Variants in IRAK3 observed in about 807,000 individuals in gnomAD.
IRAK3 encodes the protein interleukin-1 receptor-associated kinase 3.
IRAK3 carries 57 observed loss-of-function variants against 56.6 expected under a neutral mutation model. The observed-to-expected ratio is 1.01, with a 90% CI of 0.81 to 1.26. The LOEUF is 1.26. Ranked by LOEUF, IRAK3 falls within the 50% of genes most tolerant of loss-of-function variation. The probability of loss-of-function intolerance (pLI) is 0.00; values close to 1 mark genes in which losing one functional copy is unlikely to be tolerated. For synonymous variants in IRAK3, 258 were observed against 255.7 expected, an observed-to-expected ratio of 1.01 and a Z score of -0.09; for missense variants, 703 against 719.0, an observed-to-expected ratio of 0.98 and a Z score of 0.25.
At position 66,248,516 on chromosome 12, in the gene IRAK3, A is replaced by C. The variant is rs2053060708; in HGVS notation, c.*345A>C. ...TTGTAATGTCCTCTCCATCATCCTCAGTGTGAGTCCTCAGAGCCTCCATCT... is the reference window on the plus strand; with the variant it reads ...TTGTAATGTCCTCTCCATCATCCTCCGTGTGAGTCCTCAGAGCCTCCATCT... On this transcript the variant is annotated 3_prime_UTR_variant, in exon 12 of 12. Transcript: ENST00000261233. 1 of 187,146 alleles carries C rather than the reference A, an allele frequency of 5.3e-6. No individual in the cohort carries two copies. The highest frequency in any genetic ancestry group is 1.1e-5 in the Non-Finnish European group (1 of 89,688). The allele number at this position is 187,146 out of a possible 1,614,324, so 11.6% of individuals were successfully genotyped here.
chr12:66,223,725 T>C, intron 6 of IRAK3, among the ~76,000 whole-genome samples: 1 of 151,630 alleles, frequency 6.6e-6, no homozygotes. Flanking sequence ...TATTTTTATT[T>C]TTTTTTGAGA....
chr12:66,223,984 A>G lies in IRAK3; in HGVS notation c.654-2739A>G, dbSNP rs184114110. Among the ~76,000 whole-genome samples, 335 of 152,230 alleles carry G rather than the reference A, an allele frequency of 2.2e-3. 2 individuals carry two copies. The highest frequency in any genetic ancestry group is 7.8e-3 in the African/African-American group (326 of 41,550). ...TCTGGTGAGGTGTTTTCTGTGAACT[A>G]CAACAACAGCTTGTCTAGGTTTCAA... On this transcript the variant is annotated intron_variant, in intron 6 of 11. Coordinates refer to ENST00000261233, the MANE Select transcript of IRAK3 (RefSeq NM_007199.3).
At chr12:66,193,307 C>T (rs1171412324) in intron 1 of IRAK3, among the ~76,000 whole-genome samples, 2 of 152,158 alleles carry the variant, frequency 1.3e-5, no homozygotes, top group African/African-American at 2.4e-5. Flanking sequence ...GCCACCGCGC[C>T]TGGCCTAGAT....
At chr12:66,244,179 T>C (rs569276810) in intron 8 of IRAK3, among the ~76,000 whole-genome samples, 1 of 152,360 alleles carries the variant, frequency 6.6e-6, no homozygotes, top group East Asian at 1.9e-4. Context: ...GAAAGCTGTT[T>C]TGGTTAACTT....
chr12:66,189,238 C>T lies in IRAK3; in HGVS notation c.-62C>T. 3 of 1,526,500 alleles carry T rather than the reference C, an allele frequency of 2.0e-6. No individual in the cohort carries two copies. The highest frequency in any genetic ancestry group is 2.6e-6 in the Non-Finnish European group (3 of 1,140,640). 94.6% of individuals were successfully genotyped at this position (1,526,500 alleles called of 1,614,324 possible). On this transcript the variant is annotated 5_prime_UTR_variant, in exon 1 of 12. Transcript: ENST00000261233. Reference sequence around the variant, plus strand: ...CAGGATTTCCGCGGTTGTGTAACGGCCTGTCGCAGGCGTGCAGGGACCTGG... The same window carrying T: ...CAGGATTTCCGCGGTTGTGTAACGGTCTGTCGCAGGCGTGCAGGGACCTGG...
At chr12:66,194,524 G>A (rs981892181) in intron 1 of IRAK3, among the ~76,000 whole-genome samples, 11 of 151,932 alleles carry the variant, frequency 7.2e-5, no homozygotes, top group South Asian at 2.1e-4. Context: ...TGCTTTCTCC[G>A]CTCTAGAACG....
At chr12:66,194,878 A>T (rs1307376112) in intron 1 of IRAK3, among the ~76,000 whole-genome samples, 1 of 151,608 alleles carries the variant, frequency 6.6e-6, no homozygotes, top group African/African-American at 2.4e-5. Context: ...CTCTTCTTAT[A>T]GATTTATCTC....
intron 6 of IRAK3, among the ~76,000 whole-genome samples, chr12:66,221,267 G>T (rs1167163493): frequency 6.6e-6 from 1 of 152,018 alleles, no homozygotes; most frequent in Non-Finnish European, 1.5e-5. Context: ...CAGTTTTTTT[G>T]GTGGAGTCTT....
chr12:66,234,796 T>C lies in IRAK3; in HGVS notation c.887+6426T>C, dbSNP rs546603182. The C allele has an allele frequency of 1.3e-5, 21 of 1,599,662 alleles. No individual in the cohort carries two copies. In the East Asian group the frequency reaches 1.3e-4, roughly 10 times the overall value. On this transcript the variant is annotated intron_variant, in intron 8 of 11. Coordinates refer to ENST00000261233, the MANE Select transcript of IRAK3 (RefSeq NM_007199.3). ...CACGTAGTATCCTTGTAGAAATAAC[T>C]TGTCCAAATGGTTTGAGCATATTTT...
chr12:66,198,241 C>A, intron 1 of IRAK3: 1 of 288,938 alleles, frequency 3.5e-6, no homozygotes. Flanking sequence ...CTCTGTCTGT[C>A]AATCAGCAAA....
At chr12:66,209,274 CT>C (rs898302712) in intron 2 of IRAK3, among the ~76,000 whole-genome samples, 181 bp from the exon 3 acceptor site, 24 of 152,048 alleles carry the variant, frequency 1.6e-4, no homozygotes, top group Non-Finnish European at 2.8e-4. Flanking sequence ...AATTAGAAAG[CT>C]ATTTCACAAA....
intron 1 of IRAK3, among the ~76,000 whole-genome samples, chr12:66,195,704 G>T (rs182561681): frequency 6.6e-6 from 1 of 152,086 alleles, no homozygotes; most frequent in Non-Finnish European, 1.5e-5. Flanking sequence ...TTGTTGCACA[G>T]CCTGGAGTGC....
chr12:66,225,422 G>A (rs1034470801), intron 6 of IRAK3, among the ~76,000 whole-genome samples: 1 of 151,794 alleles, frequency 6.6e-6, no homozygotes, highest in Non-Finnish European at 1.5e-5. Flanking sequence ...TCCTTGAAGA[G>A]GAAGAAAAGG....
rs1016989451 is a variant in IRAK3 at position 66,212,235 on chromosome 12, A to G, written c.588+638A>G. Among the ~76,000 whole-genome samples, 13 of 152,142 alleles carry G rather than the reference A, an allele frequency of 8.5e-5. No homozygotes were observed. The South Asian group carries it at 2.5e-3, about 29-fold the overall frequency. On this transcript the variant is annotated intron_variant, in intron 5 of 11. Transcript: ENST00000261233. Reference sequence around the variant, plus strand: ...CCGGGTCCTCTCCAGGCAGCCTCACAGGCTAAGCCACAGTTTGGCATTTGG... The same window carrying G: ...CCGGGTCCTCTCCAGGCAGCCTCACGGGCTAAGCCACAGTTTGGCATTTGG...
intron 8 of IRAK3, chr12:66,234,872 G>A: frequency 1.2e-6 from 2 of 1,612,968 alleles, no homozygotes; most frequent in African/African-American, 1.3e-5. Flanking sequence ...GTAGAGGTTG[G>A]TAGGATCTTG....
chr12:66,235,121 T>C (rs2052890309), intron 8 of IRAK3: 6 of 1,613,870 alleles, frequency 3.7e-6, no homozygotes, highest in Non-Finnish European at 5.1e-6. Context: ...TTTGCTGAGC[T>C]GATCCCATCC....
intron 8 of IRAK3, among the ~76,000 whole-genome samples, chr12:66,242,810 A>G (rs2052984658): frequency 6.6e-6 from 1 of 152,248 alleles, no homozygotes; most frequent in Admixed American, 6.5e-5. Context: ...GCAGTAGCTC[A>G]TGCCTGTAAT....
chr12:66,219,163 G>C (rs1017758769), intron 6 of IRAK3, among the ~76,000 whole-genome samples: 35 of 152,150 alleles, frequency 2.3e-4, no homozygotes, highest in African/African-American at 8.2e-4. Flanking sequence ...TTAAACATGA[G>C]AGTGCAGATA....
Position 66,248,404 on chromosome 12 carries a change from C to A in IRAK3, c.*233C>A. The A allele has an allele frequency of 2.4e-6, 1 of 423,480 alleles. No individual in the cohort carries two copies. Among genetic ancestry groups the A allele is most frequent in the South Asian group, 3.7e-5 (1 of 27,166 alleles). 26.2% of individuals were successfully genotyped at this position (423,480 alleles called of 1,614,324 possible). ...ATTGTCTCATGACCAAATCCACGCT[C>A]AATTAGAGCCATTCAAAATTCCTTA... On this transcript the variant is annotated 3_prime_UTR_variant, in exon 12 of 12. Coordinates refer to ENST00000261233, the MANE Select transcript of IRAK3 (RefSeq NM_007199.3).
Sources: gnomAD v4.1 joint callset for allele counts (sites outside exome capture counted in the v4.1 genomes callset) on GRCh38, gnomAD v4.1.1 for gene constraint, MANE v1.5 for transcripts, NCBI Gene and HGNC (gene_info 2026-07-23, HGNC 2026-07-21) for gene names.